Variants in FOXK1 observed in about 807,000 individuals in gnomAD.
The protein encoded by FOXK1 is forkhead box protein K1.
FOXK1 carries 19 observed loss-of-function variants against 51.9 expected under a neutral mutation model. The observed-to-expected ratio is 0.37, with a 90% CI of 0.26 to 0.54. The LOEUF is 0.54. Among genes scored for constraint, FOXK1 ranks in the 20% least tolerant of loss-of-function variants. The pLI, the probability that FOXK1 is intolerant of heterozygous loss-of-function variation, is 0.87. For synonymous variants in FOXK1, 537 were observed against 482.6 expected, an observed-to-expected ratio of 1.11 and a Z score of -1.48; for missense variants, 870 against 1,032.7, an observed-to-expected ratio of 0.84 and a Z score of 2.16.
rs747662597 is a variant in FOXK1, at chr7:4,749,632, C to T, written c.747-4827C>T. On this transcript the variant is annotated intron_variant, in intron 2 of 8. Coordinates refer to ENST00000328914, the MANE Select transcript of FOXK1 (RefSeq NM_001037165.2). This position sits in a 1 kb window ranked among gnomAD's most constrained non-coding sequence, Gnocchi z 6.0. ...GGCTTCAGGAGGGATCAGGTCCCTT[C>T]TGACAGAGCACTGTCCTCCCTGGGC... 1.3e-5 allele frequency among the ~76,000 whole-genome samples: 2 copies of T among 152,208 alleles called. No homozygotes were observed. The highest frequency in any genetic ancestry group is 2.9e-5 in the Non-Finnish European group (2 of 68,030).
Position 4,689,915 on chromosome 7 carries a change from C to T in FOXK1, c.560+7047C>T, listed in dbSNP as rs555157859. Among the ~76,000 whole-genome samples the T allele has an allele frequency of 3.3e-4, 50 of 152,182 alleles. No homozygotes were observed. The South Asian group carries it at 9.3e-3, about 28-fold the overall frequency. On this transcript the variant is annotated intron_variant, in intron 1 of 8. Coordinates refer to ENST00000328914, the MANE Select transcript of FOXK1 (RefSeq NM_001037165.2). ...CACGCTTGGCTGGTGCAGGAGTGGG[C>T]GTATGTGCTGAGCTGGGCTTTGCAC...
Position 4,683,117 on chromosome 7 carries a change from T to G in FOXK1, c.560+249T>G, listed in dbSNP as rs1021875694. Among the ~76,000 whole-genome samples the G allele has an allele frequency of 1.3e-5, 2 of 149,042 alleles. No individual in the cohort carries two copies. Among genetic ancestry groups the G allele is most frequent in the African/African-American group, 5.0e-5 (2 of 40,014 alleles). On this transcript the variant is annotated intron_variant, in intron 1 of 8. Coordinates refer to ENST00000328914, the MANE Select transcript of FOXK1 (RefSeq NM_001037165.2). This position sits in a 1 kb window ranked among gnomAD's most constrained non-coding sequence, Gnocchi z 4.5. The stretch of plus-strand genomic sequence containing the variant: ...TGAGGATCTCCTCCACTTTCCCCGG[T>G]CTGGATACCCCGTCGCCCCCGACCC...
chr7:4,717,129 G>A (rs577542393), intron 1 of FOXK1, among the ~76,000 whole-genome samples: 2 of 150,218 alleles, frequency 1.3e-5, no homozygotes, highest in East Asian at 4.0e-4. Context: ...GAAGGCATAT[G>A]GCTGGAAGGT....
In FOXK1 at chr7:4,769,838, CTTT is replaced by C. The variant is rs1781074043; in HGVS notation, c.*7375_*7377del. On this transcript the variant is annotated 3_prime_UTR_variant, in exon 9 of 9. Coordinates refer to ENST00000328914, the MANE Select transcript of FOXK1 (RefSeq NM_001037165.2). This position sits in a 1 kb window ranked among gnomAD's most constrained non-coding sequence, Gnocchi z 4.1. ...ATGGAAAGACTCCTAGTTGGTTATT[CTTT>C]ATCTCGGATTCTTTTTTCTGGAATT... 2 of 152,112 alleles carry C rather than the reference CTTT, an allele frequency of 1.3e-5. No individual in the cohort carries two copies. Among genetic ancestry groups the C allele is most frequent in the African/African-American group, 4.8e-5 (2 of 41,418 alleles). The allele number at this position is 152,112 out of a possible 1,614,324, so 9.4% of individuals were successfully genotyped here.
rs1180011518 is a variant in FOXK1, at chr7:4,754,561, A to C, written c.849A>C (p.Ala283=). The C allele has an allele frequency of 6.2e-7, 1 of 1,610,362 alleles. No homozygotes were observed. Among genetic ancestry groups the C allele is most frequent in the East Asian group, 2.2e-5 (1 of 44,892 alleles). ...ACCTGCAGCTGGCAGCAGAGTTTGC[A>C]GCAAAGGCCGCGTCGGAGCAGCAGG... ...TSDLQLAAEF[A]AKAASEQQAD... Residue 283 remains alanine, a synonymous_variant, in exon 3 of 9, where the codon GCA becomes GCC. Transcript: ENST00000328914.
intron 1 of FOXK1, among the ~76,000 whole-genome samples, chr7:4,740,073 T>A (rs918210656): frequency 3.9e-5 from 6 of 152,316 alleles, no homozygotes; most frequent in African/African-American, 1.4e-4. Context: ...GGCAGGTGGA[T>A]CACCTGAGGT....
At chr7:4,742,851 T>TGG (rs1780652489) in intron 2 of FOXK1, among the ~76,000 whole-genome samples, 1 of 152,230 alleles carries the variant, frequency 6.6e-6, no homozygotes, top group South Asian at 2.1e-4. Flanking sequence ...AGTTACAAGG[T>TGG]GGGAATCATC....
chr7:4,750,215 G>C (rs529860989), intron 2 of FOXK1, among the ~76,000 whole-genome samples: 1 of 152,112 alleles, frequency 6.6e-6, no homozygotes, highest in Non-Finnish European at 1.5e-5. Context: ...TGATTCCCGC[G>C]ACGTCTGTGG....
At chr7:4,754,955 C>A (rs1042646313) in intron 3 of FOXK1, 6 of 560,548 alleles carry the variant, frequency 1.1e-5, no homozygotes, top group Non-Finnish European at 1.9e-5. Flanking sequence ...TGTCTTAGTT[C>A]ATTTTTGTCC....
intron 7 of FOXK1, among the ~76,000 whole-genome samples, chr7:4,760,830 G>A (rs914381822): frequency 1.3e-5 from 2 of 152,194 alleles, no homozygotes; most frequent in East Asian, 1.9e-4. Flanking sequence ...CAGCCTGGGC[G>A]ACAGAGCAAC....
Position 4,682,482 on chromosome 7 carries a change from G to A in FOXK1, c.174G>A (p.Pro58=), listed in dbSNP as rs984840406. The A allele has an allele frequency of 5.0e-6, 5 of 996,470 alleles. No individual in the cohort carries two copies. In the African/African-American group the frequency reaches 7.0e-5, roughly 14 times the overall value. 61.7% of individuals were successfully genotyped at this position (996,470 alleles called of 1,614,324 possible). A position where few individuals can be genotyped will look rare whatever the true frequency, so the allele number is the denominator to read the frequency against. ...CCGGGCCGCCGCCGCCGCCGCCACC[G>A]CCGCTGCCTCCGGGCGCGATCGCGG... ...PPPGPPPPPP[P]PLPPGAIAGA... is the part of the protein sequence containing the mutation. Residue 58 remains proline (P), a synonymous_variant, in exon 1 of 9, where the codon CCG becomes CCA. Coordinates refer to ENST00000328914, the MANE Select transcript of FOXK1 (RefSeq NM_001037165.2). This position sits in a 1 kb window ranked among gnomAD's most constrained non-coding sequence, Gnocchi z 7.6.
chr7:4,715,347 C>G lies in FOXK1; in HGVS notation c.561-25491C>G, dbSNP rs922031064. ...AGAGTGAAGCCGATAGGATCAAGCC[C>G]AAGTGTTCAGGGCGCTCAGCTGTGG... is the stretch of plus-strand genomic sequence containing the variant. On this transcript the variant is annotated intron_variant, in intron 1 of 8. Transcript: ENST00000328914. This position sits in a 1 kb window ranked among gnomAD's most constrained non-coding sequence, Gnocchi z 4.5. Among the ~76,000 whole-genome samples the G allele has an allele frequency of 6.6e-5, 10 of 152,096 alleles. No homozygotes were observed. The highest frequency in any genetic ancestry group is 1.2e-4 in the Non-Finnish European group (8 of 68,018).
In FOXK1 at chr7:4,704,834, C is replaced by CTTTTTTTTTTTTTT. The variant is rs775099211; in HGVS notation, c.560+21968_560+21981dup. Among the ~76,000 whole-genome samples the CTTTTTTTTTTTTTT allele has an allele frequency of 3.7e-3, 484 of 131,310 alleles. 48 individuals are homozygous for CTTTTTTTTTTTTTT. The highest frequency in any genetic ancestry group is 0.015 in the African/African-American group (452 of 31,024). 86.1% of individuals were successfully genotyped at this position (131,310 alleles called of 152,430 possible). A position where few individuals can be genotyped will look rare whatever the true frequency, so the allele number is the denominator to read the frequency against. ...CTCCCAAACCAATCTATGTTTCATT[C>CTTTTTTTTTTTTTT]TTTTTTTTTTTTTTTGAGAAAAAGT... On this transcript the variant is annotated intron_variant, in intron 1 of 8. Transcript: ENST00000328914.
chr7:4,699,949 A>G (rs994700227), intron 1 of FOXK1, among the ~76,000 whole-genome samples: 4 of 152,172 alleles, frequency 2.6e-5, no homozygotes, highest in African/African-American at 9.7e-5. Context: ...TGAATCGGCT[A>G]GGACCTCCAA....
chr7:4,760,778 G>C (rs1307443889), intron 7 of FOXK1, among the ~76,000 whole-genome samples: 2 of 152,210 alleles, frequency 1.3e-5, no homozygotes, highest in Non-Finnish European at 2.9e-5. Flanking sequence ...TTGAACCCGG[G>C]AGGCGGAGGT....
intron 1 of FOXK1, among the ~76,000 whole-genome samples, chr7:4,727,455 ACAGGCATGCAG>A: frequency 1.3e-5 from 2 of 152,214 alleles, no homozygotes; most frequent in East Asian, 3.9e-4. Flanking sequence ...AGCTGGGATT[ACAGGCATGCAG>A]CACCACGCCC....
Position 4,749,813 on chromosome 7 carries a change from C to T in FOXK1, c.747-4646C>T, listed in dbSNP as rs368358839. ...GGCTCTGGGGACGGAGCCCAGCTGG[C>T]GGCTCCAGAGGTGGCTTTAGGTCTG... On this transcript the variant is annotated intron_variant, in intron 2 of 8. Transcript: ENST00000328914. The surrounding 1 kb of genome is among the most constrained non-coding windows in gnomAD (Gnocchi z 6.0). 3.3e-5 allele frequency among the ~76,000 whole-genome samples: 5 copies of T among 152,196 alleles called. No homozygotes were observed. The highest frequency in any genetic ancestry group is 1.9e-4 in the East Asian group (1 of 5,194).
intron 1 of FOXK1, among the ~76,000 whole-genome samples, chr7:4,686,344 C>G (rs1025038375): frequency 3.5e-4 from 54 of 152,182 alleles, no homozygotes; most frequent in African/African-American, 1.2e-3. Context: ...TCCAGTAGAG[C>G]TCCCACTCAG....
chr7:4,759,403 A>C lies in FOXK1; in HGVS notation c.1504A>C (p.Ile502Leu), dbSNP rs1211942469. ...GCCCGTGGCCTACATGCCCGCCTCC[A>C]TCGTAACCTCACAGCAGCCCGCGGG... ...AKPVAYMPAS[I>L]VTSQQPAGHA... The change falls in exon 7 of 9, where the codon ATC becomes CTC. Residue 502 changes from isoleucine (I) to leucine (L), a missense_variant. Ile to Leu is a conservative substitution (Grantham distance 5). Transcript: ENST00000328914. 1 of 1,601,636 alleles carries C rather than the reference A, an allele frequency of 6.2e-7. No individual in the cohort carries two copies. The highest frequency in any genetic ancestry group is 2.2e-5 in the East Asian group (1 of 44,732).
Sources: gnomAD v4.1 joint callset for allele counts (sites outside exome capture counted in the v4.1 genomes callset) on GRCh38, gnomAD v4.1.1 for gene constraint, Gnocchi (gnomAD v3.1) non-coding constraint, MANE v1.5 for transcripts, NCBI Gene and HGNC (gene_info 2026-07-23, HGNC 2026-07-21) for gene names.